The following FMN2 variants were observed in gnomAD, a reference collection of about 807,000 sequenced individuals.
FMN2 encodes formin-2.
Under a neutral mutation model 142.3 loss-of-function variants are expected in FMN2, and 51 were observed. That is an observed-to-expected ratio of 0.36 (90% confidence interval 0.29 to 0.45). The LOEUF is 0.45. Ranked by LOEUF, FMN2 falls within the 20% of genes least tolerant of loss-of-function variation. The pLI is 1.00. For missense variants in FMN2, 1,936 were observed against 2,122.8 expected (o/e 0.91, Z 1.73); for synonymous variants, 882 against 869.8 (o/e 1.01, Z -0.25).
chr1:240,179,850 A>T (rs1665079707), intron 3 of FMN2, among the ~76,000 whole-genome samples: 1 of 152,134 alleles, frequency 6.6e-6, no homozygotes, highest in Non-Finnish European at 1.5e-5. Flanking sequence ...TGATATTTTC[A>T]TGTTTTCTGT....
At chr1:240,460,906 G>C (rs1385291762) in intron 16 of FMN2, among the ~76,000 whole-genome samples, 1 of 152,058 alleles carries the variant, frequency 6.6e-6, no homozygotes, top group Non-Finnish European at 1.5e-5. Flanking sequence ...ATACATTCTT[G>C]AACTCCCACT....
intron 15 of FMN2, among the ~76,000 whole-genome samples, chr1:240,430,681 A>G (rs1186516843): frequency 1.3e-5 from 2 of 150,864 alleles, no homozygotes; most frequent in African/African-American, 2.4e-5. Context: ...TTTTTTTCCA[A>G]ACAGATACCC....
At chr1:240,259,927 A>C (rs903635732) in intron 7 of FMN2, among the ~76,000 whole-genome samples, 2 of 152,102 alleles carry the variant, frequency 1.3e-5, no homozygotes, top group African/African-American at 4.8e-5. Flanking sequence ...AAGTCCCCAA[A>C]GTCCATTGTA....
chr1:240,387,048 C>T (rs1416282573), intron 14 of FMN2, among the ~76,000 whole-genome samples: 1 of 152,196 alleles, frequency 6.6e-6, no homozygotes, highest in African/African-American at 2.4e-5. Flanking sequence ...ATAGGTGCAG[C>T]AATTGATCAA....
chr1:240,258,268 A>AT (rs1558397631), intron 7 of FMN2, among the ~76,000 whole-genome samples: 1 of 152,154 alleles, frequency 6.6e-6, no homozygotes, highest in Non-Finnish European at 1.5e-5. Context: ...TGACATTATT[A>AT]TCTTAGTTCA....
intron 15 of FMN2, among the ~76,000 whole-genome samples, chr1:240,430,973 C>T (rs551428793): frequency 3.0e-4 from 44 of 146,780 alleles, no homozygotes; most frequent in Non-Finnish European, 5.3e-4. Context: ...ATCAGCATAT[C>T]AGTCCCTTTA....
At chr1:240,413,363 G>A (rs894496912) in intron 15 of FMN2, among the ~76,000 whole-genome samples, 56 of 151,684 alleles carry the variant, frequency 3.7e-4, no homozygotes, top group African/African-American at 1.3e-3. Flanking sequence ...AGGAAGGGTG[G>A]GTTAAAGGCT....
chr1:240,214,229 G>A (rs551262245), intron 6 of FMN2, among the ~76,000 whole-genome samples: 32 of 152,052 alleles, frequency 2.1e-4, no homozygotes, highest in Admixed American at 2.0e-4. Flanking sequence ...GTAGAACCCC[G>A]TCTCTTAAGG....
chr1:240,206,053 C>A (rs546968164), intron 4 of FMN2, among the ~76,000 whole-genome samples: 1 of 151,984 alleles, frequency 6.6e-6, no homozygotes, highest in Non-Finnish European at 1.5e-5. Flanking sequence ...CAGGCGTGTG[C>A]CACCGTGCTC....
Position 240,158,692 on chromosome 1 carries a change from C to A in FMN2, c.1783-19229C>A, listed in dbSNP as rs143253353. Among the ~76,000 whole-genome samples, 3 of 152,252 alleles carry A rather than the reference C, an allele frequency of 2.0e-5. No individual in the cohort carries two copies. In the South Asian group the frequency reaches 6.2e-4, roughly 32 times the overall value. On this transcript the variant is annotated intron_variant, in intron 2 of 17. Coordinates refer to ENST00000319653, the MANE Select transcript of FMN2 (RefSeq NM_020066.5). Reference sequence around the variant, plus strand: ...GTTAGTATGTTACTGACCAAGTGCACCAGTCCTGCATTTTGTGTCGAACTG... The same window carrying A: ...GTTAGTATGTTACTGACCAAGTGCAACAGTCCTGCATTTTGTGTCGAACTG...
chr1:240,474,358 G>T lies in FMN2; in HGVS notation c.*204G>T, dbSNP rs529911962. The T allele has an allele frequency of 7.5e-5, 37 of 494,920 alleles. No individual in the cohort carries two copies. The South Asian group carries it at 1.5e-3, about 21-fold the overall frequency. 30.7% of individuals were successfully genotyped at this position (494,920 alleles called of 1,614,324 possible). A position where few individuals can be genotyped will look rare whatever the true frequency, so the allele number is the denominator to read the frequency against. ...AATGCAAACGTACTAGACCAGTGGA[G>T]AATTTGACACCTTTTCTTTTTGTAA... On this transcript the variant is annotated 3_prime_UTR_variant, in exon 18 of 18. Coordinates refer to ENST00000319653, the MANE Select transcript of FMN2 (RefSeq NM_020066.5).
intron 14 of FMN2, among the ~76,000 whole-genome samples, chr1:240,379,584 AT>A (rs1364407270): frequency 1.3e-5 from 2 of 152,120 alleles, no homozygotes; most frequent in Non-Finnish European, 2.9e-5. Flanking sequence ...TGATTTTAAA[AT>A]TGCTTTTAGA....
At chr1:240,234,451 G>A (rs1218962764) in intron 6 of FMN2, among the ~76,000 whole-genome samples, 1 of 152,200 alleles carries the variant, frequency 6.6e-6, no homozygotes, top group Non-Finnish European at 1.5e-5. Context: ...CCTTGGAAGG[G>A]TGAGTGCACC....
chr1:240,219,070 A>G lies in FMN2; in HGVS notation c.4065+7835A>G, dbSNP rs12070945. 6.5e-3 allele frequency among the ~76,000 whole-genome samples: 989 copies of G among 152,310 alleles called. 14 individuals are homozygous for G. The highest frequency in any genetic ancestry group is 0.023 in the African/African-American group (936 of 41,560). ...GATGATTTTTGAGAATAGCACCACA[A>G]GCAAAGGTTTCCGTGCAGCTCATTT... On this transcript the variant is annotated intron_variant, in intron 6 of 17. Coordinates refer to ENST00000319653, the MANE Select transcript of FMN2 (RefSeq NM_020066.5).
At chr1:240,222,315 T>C (rs1238140249) in intron 6 of FMN2, among the ~76,000 whole-genome samples, 1 of 152,172 alleles carries the variant, frequency 6.6e-6, no homozygotes, top group African/African-American at 2.4e-5. Context: ...TGTAACATTA[T>C]TTCTGAGGCC....
chr1:240,444,273 A>C (rs554362537), intron 16 of FMN2, among the ~76,000 whole-genome samples: 1 of 152,194 alleles, frequency 6.6e-6, no homozygotes, highest in Non-Finnish European at 1.5e-5. Context: ...TGTATCATGC[A>C]GTGGGAGGAA....
intron 7 of FMN2, among the ~76,000 whole-genome samples, chr1:240,289,633 T>G (rs528600540): frequency 6.6e-6 from 1 of 152,170 alleles, no homozygotes; most frequent in South Asian, 2.1e-4. Context: ...TGAGCTATGA[T>G]CATACCACTG....
Position 240,177,859 on chromosome 1 carries a change from C to A in FMN2, c.1783-62C>A. The A allele has an allele frequency of 2.1e-6, 3 of 1,413,200 alleles. No homozygotes were observed. The South Asian group carries it at 5.2e-5, about 24-fold the overall frequency. 87.5% of individuals were successfully genotyped at this position (1,413,200 alleles called of 1,614,324 possible). A position where few individuals can be genotyped will look rare whatever the true frequency, so the allele number is the denominator to read the frequency against. ...AGAAATGATTTTGCAATGTATTAGT[C>A]ATGGCTTATTTTTTTGTAACTGAAT... On this transcript the variant is annotated intron_variant, in intron 2 of 17. Coordinates refer to ENST00000319653, the MANE Select transcript of FMN2 (RefSeq NM_020066.5).
At position 240,188,334 on chromosome 1, in the gene FMN2, A is replaced by T; in HGVS notation, c.1986+72A>T. 2.0e-6 allele frequency: 3 copies of T among 1,483,752 alleles called. No homozygotes were observed. In the South Asian group the frequency reaches 3.5e-5, roughly 18 times the overall value. 91.9% of individuals were successfully genotyped at this position (1,483,752 alleles called of 1,614,324 possible). On this transcript the variant is annotated intron_variant, in intron 4 of 17. Transcript: ENST00000319653. ...TCTTAAGATTGTGACAGACTCTGCG[A>T]TTTATCTTTCCATCTGCCCGGCTGG...
Sources: allele counts gnomAD v4.1 joint callset (sites outside exome capture counted in the v4.1 genomes callset), GRCh38; gene constraint gnomAD v4.1.1; transcripts MANE v1.5; gene names NCBI Gene and HGNC (gene_info 2026-07-23, HGNC 2026-07-21).